RESP18: variants seen among roughly 807,000 people sequenced by gnomAD.
RESP18 encodes regulated endocrine specific protein 18.
A neutral mutation model predicts 30.0 loss-of-function variants in RESP18; 30 were observed. The observed-to-expected ratio is 1.00, with a 90% CI of 0.75 to 1.36. The LOEUF is 1.36. Among genes scored for constraint, RESP18 ranks in the 40% most tolerant of loss-of-function variants. The pLI is 0.00. For synonymous variants in RESP18, 117 were observed against 111.2 expected (o/e 1.05, Z -0.33); for missense variants, 320 against 284.2 (o/e 1.13, Z -0.91).
In RESP18 at chr2:219,332,641, C is replaced by G; in HGVS notation, c.115G>C (p.Glu39Gln). ...AGTGGGTGCTGTATCCTCCCAGGCT[C>G]GGCGCGCTCACTCCCCGGCCAAGTC... The change falls in exon 2 of 7, where the codon GAG becomes CAG. Residue 39 changes from glutamate to glutamine, a missense_variant. Transcript: ENST00000333527. The G allele has an allele frequency of 6.4e-7, 1 of 1,551,404 alleles. No individual in the cohort carries two copies. The highest frequency in any genetic ancestry group is 8.7e-7 in the Non-Finnish European group (1 of 1,146,952).
At chr2:219,331,048 A>G in intron 2 of RESP18, 173 bp from the exon 2 acceptor site, 2 of 568,306 alleles carry the variant, frequency 3.5e-6, no homozygotes, top group East Asian at 3.0e-5. Context: ...CTCCATCACC[A>G]CTTGCCATAT....
chr2:219,329,022 G>C lies in RESP18; in HGVS notation c.556-14C>G. On this transcript the variant is annotated splice_polypyrimidine_tract_variant and intron_variant, in intron 5 of 6. Transcript: ENST00000333527. ...CCTATAGGTAATCTGAGAGATACAGGAAATTAGAAGTACCTTTGATTAGGA... is the reference window on the plus strand; with the variant it reads ...CCTATAGGTAATCTGAGAGATACAGCAAATTAGAAGTACCTTTGATTAGGA... 6.5e-7 allele frequency: 1 copy of C among 1,538,874 alleles called. No homozygotes were observed. The highest frequency in any genetic ancestry group is 8.8e-7 in the Non-Finnish European group (1 of 1,135,424).
rs1952798926 is a variant in RESP18 at position 219,328,816 on chromosome 2, A to G, written c.640+108T>C. On this transcript the variant is annotated intron_variant, in intron 6 of 6. Coordinates refer to ENST00000333527, the MANE Select transcript of RESP18 (RefSeq NM_001007089.4). ...CTCTGAGCTGCACCTCCCATTCATCAAGGGAGTGTTGCTATCATGTGCTAT... is the reference window on the plus strand; with the variant it reads ...CTCTGAGCTGCACCTCCCATTCATCGAGGGAGTGTTGCTATCATGTGCTAT... The G allele has an allele frequency of 8.8e-6, 6 of 680,330 alleles. No individual in the cohort carries two copies. In the Admixed American group the frequency reaches 1.3e-4, roughly 14 times the overall value. The allele number at this position is 680,330 out of a possible 1,614,324, so 42.1% of individuals were successfully genotyped here. A position where few individuals can be genotyped will look rare whatever the true frequency, so the allele number is the denominator to read the frequency against.
chr2:219,327,860 A>T (rs2125106489), intron 6 of RESP18, among the ~76,000 whole-genome samples: 1 of 152,288 alleles, frequency 6.6e-6, no homozygotes, highest in East Asian at 1.9e-4. Flanking sequence ...TCTGTCACTG[A>T]GCTCTGATTA....
chr2:219,331,085 C>G (rs1164500804), intron 2 of RESP18: 1 of 500,632 alleles, frequency 2.0e-6, no homozygotes, highest in Non-Finnish European at 3.6e-6. Flanking sequence ...CTCATTCACT[C>G]TTGGTACCAA....
intron 2 of RESP18, 40 bp from the exon 2 acceptor site, chr2:219,330,915 G>A: frequency 8.1e-7 from 1 of 1,227,120 alleles, no homozygotes; most frequent in Non-Finnish European, 1.2e-6. Flanking sequence ...AACCTGGCCA[G>A]AGCCTTCCAC....
rs1952810258 is a variant in RESP18, at chr2:219,329,705, T to C, written c.397A>G (p.Ser133Gly). Residue 133 changes from serine to glycine, a missense_variant, in exon 4 of 7, where the codon AGC becomes GGC. By Grantham distance (56) the Ser-to-Gly change is moderately conservative (BLOSUM62 0). Coordinates refer to ENST00000333527, the MANE Select transcript of RESP18 (RefSeq NM_001007089.4). ...CATGGTTCTTGGGGATGCAGTCTGC[T>C]GGCATGCTCCATCTTTTGGATCATT... 1 of 1,551,586 alleles carries C rather than the reference T, an allele frequency of 6.4e-7. No homozygotes were observed. Among genetic ancestry groups the C allele is most frequent in the African/African-American group, 1.4e-5 (1 of 73,046 alleles).
chr2:219,331,936 G>A (rs1952835967), intron 2 of RESP18, among the ~76,000 whole-genome samples: 1 of 152,232 alleles, frequency 6.6e-6, no homozygotes, highest in South Asian at 2.1e-4. Context: ...CAGGGAGAGG[G>A]GGCGACAGAC....
intron 2 of RESP18, chr2:219,331,112 T>G: frequency 2.3e-6 from 1 of 434,544 alleles, no homozygotes; most frequent in South Asian, 3.1e-5. Context: ...GATAACCAGA[T>G]TTACAAAGAG....
intron 6 of RESP18, among the ~76,000 whole-genome samples, chr2:219,327,838 G>A (rs534023205): frequency 6.6e-6 from 1 of 152,214 alleles, no homozygotes; most frequent in Non-Finnish European, 1.5e-5. Flanking sequence ...CCACAGGTAG[G>A]TCTCTGTCAC....
Position 219,329,156 on chromosome 2 carries a change from C to A in RESP18, c.555+7G>T. 2 of 1,550,578 alleles carry A rather than the reference C, an allele frequency of 1.3e-6. No homozygotes were observed. Among genetic ancestry groups the A allele is most frequent in the Non-Finnish European group, 1.7e-6 (2 of 1,146,006 alleles). On this transcript the variant is annotated splice_region_variant and intron_variant, in intron 5 of 6. Transcript: ENST00000333527. ...TCCAACCTCCCTAGAAAAAGTGAGC[C>A]CCTCACCTTGACAGGGTTGGCCACC...
At position 219,327,583 on chromosome 2, in the gene RESP18, G is replaced by GGGA. The variant is rs1289462848; in HGVS notation, c.641-23_641-21dup. 1.3e-6 allele frequency: 2 copies of GGGA among 1,550,142 alleles called. No individual in the cohort carries two copies. The highest frequency in any genetic ancestry group is 1.7e-6 in the Non-Finnish European group (2 of 1,145,828). Reference sequence around the variant, plus strand: ...GAAGCCCTAAAACAAGAAGAAACAAGGGAGCTAGAGTCAGGATGTGAGACA... The same window carrying GGGA: ...GAAGCCCTAAAACAAGAAGAAACAAGGGAGGAGCTAGAGTCAGGATGTGAGACA... On this transcript the variant is annotated intron_variant, in intron 6 of 6. Coordinates refer to ENST00000333527, the MANE Select transcript of RESP18 (RefSeq NM_001007089.4).
At chr2:219,329,067 A>ATGAG (rs1261686219) in intron 5 of RESP18, 59 bp from the exon 5 acceptor site, 1 of 1,485,798 alleles carries the variant, frequency 6.7e-7, no homozygotes, top group African/African-American at 1.4e-5. Flanking sequence ...TCTTTTCTGC[A>ATGAG]GCGATCTGCC....
chr2:219,330,537 T>G (rs1240911797), intron 3 of RESP18, among the ~76,000 whole-genome samples: 3 of 151,170 alleles, frequency 2.0e-5, no homozygotes, highest in East Asian at 1.9e-4. Context: ...TCAGTTTTGT[T>G]TTTTTTTTTC....
chr2:219,328,006 G>T (rs978408671), intron 6 of RESP18, among the ~76,000 whole-genome samples: 1 of 152,216 alleles, frequency 6.6e-6, no homozygotes, highest in Non-Finnish European at 1.5e-5. Flanking sequence ...GGTGCAGCCA[G>T]CCGGGGGTGC....
chr2:219,328,242 A>G (rs921409298), intron 6 of RESP18, among the ~76,000 whole-genome samples: 5 of 152,190 alleles, frequency 3.3e-5, no homozygotes, highest in Non-Finnish European at 7.3e-5. Flanking sequence ...ACCTTTTGCT[A>G]TGATCTGTGA....
At chr2:219,327,650 G>T in intron 6 of RESP18, 87 bp from the exon 6 acceptor site, 6 of 1,134,850 alleles carry the variant, frequency 5.3e-6, no homozygotes, top group Non-Finnish European at 7.8e-6. Context: ...AAATACTGTA[G>T]TAACAGCCTG....
Position 219,329,144 on chromosome 2 carries a change from G to A in RESP18, c.555+19C>T, listed in dbSNP as rs1660589575. 7.1e-6 allele frequency: 11 copies of A among 1,548,610 alleles called. No individual in the cohort carries two copies. The highest frequency in any genetic ancestry group is 9.6e-6 in the Non-Finnish European group (11 of 1,144,372). ...CATTTAAACAGGTCCAACCTCCCTAGAAAAAGTGAGCCCCTCACCTTGACA... is the reference window on the plus strand; with the variant it reads ...CATTTAAACAGGTCCAACCTCCCTAAAAAAAGTGAGCCCCTCACCTTGACA... On this transcript the variant is annotated intron_variant, in intron 5 of 6. Coordinates refer to ENST00000333527, the MANE Select transcript of RESP18 (RefSeq NM_001007089.4).
chr2:219,330,773 T>C lies in RESP18; in HGVS notation c.335A>G (p.Gln112Arg). 1 of 1,545,274 alleles carries C rather than the reference T, an allele frequency of 6.5e-7. No homozygotes were observed. The highest frequency in any genetic ancestry group is 8.8e-7 in the Non-Finnish European group (1 of 1,141,534). The stretch of plus-strand genomic sequence containing the variant: ...TCTGTTCTCCAGCTTTTACTTACCT[T>C]GGGGTATAATCTGCTGGAGCACAAC... Residue 112 changes from glutamine (Q) to arginine (R), a missense_variant and splice_region_variant, in exon 3 of 7, where the codon CAA becomes CGA. Transcript: ENST00000333527.
Sources: allele counts gnomAD v4.1 joint callset (sites outside exome capture counted in the v4.1 genomes callset), GRCh38; gene constraint gnomAD v4.1.1; transcripts MANE v1.5; gene names NCBI Gene and HGNC (gene_info 2026-07-23, HGNC 2026-07-21).